DDX60L: variants seen among roughly 807,000 people sequenced by gnomAD.
DDX60L encodes DExD/H-box 60 like, also known as probable ATP-dependent RNA helicase DDX60-like.
In DDX60L, 191 loss-of-function variants were observed where a neutral mutation model predicts 211.6. That is an observed-to-expected ratio of 0.90 (90% confidence interval 0.80 to 1.02). The LOEUF is 1.02. Ranked by LOEUF, DDX60L falls within the 50% of genes least tolerant of loss-of-function variation. The pLI is 0.00. For missense variants in DDX60L, 2,007 were observed against 1,984.1 expected, an observed-to-expected ratio of 1.01 and a Z score of -0.22; for synonymous variants, 706 against 694.1, an observed-to-expected ratio of 1.02 and a Z score of -0.27.
chr4:168,464,268 G>T (rs1045735750), intron 4 of DDX60L, among the ~76,000 whole-genome samples: 2 of 151,980 alleles, frequency 1.3e-5, no homozygotes, highest in African/African-American at 4.8e-5. Flanking sequence ...TGTATTGGAC[G>T]TCAAAACAAG....
chr4:168,432,461 C>T lies in DDX60L; in HGVS notation c.1510G>A (p.Val504Ile). The change falls in exon 12 of 38, where the codon GTT (valine) becomes ATT (isoleucine). Residue 504 changes from valine (V) to isoleucine (I), a missense_variant. Coordinates refer to ENST00000682922, the MANE Select transcript of DDX60L (RefSeq NM_001012967.3). ...TCGTGGTTACAGAGCTCACCATCAA[C>T]ATGACATTTGATCCTGTCATAGTCG... ...SDDYDRIKCH[V>I]DEQSRDPHVL... 1 of 1,559,598 alleles carries T rather than the reference C, an allele frequency of 6.4e-7. No homozygotes were observed. Among genetic ancestry groups the T allele is most frequent in the Non-Finnish European group, 8.7e-7 (1 of 1,148,822 alleles).
At chr4:168,477,479 T>A (rs897135337) in intron 1 of DDX60L, among the ~76,000 whole-genome samples, 1 of 152,112 alleles carries the variant, frequency 6.6e-6, no homozygotes, top group Admixed American at 6.5e-5. Context: ...GTTCTTTTAA[T>A]CTAAAAATCC....
intron 29 of DDX60L, chr4:168,390,182 T>A (rs1994530): frequency 2.0e-6 from 2 of 1,001,510 alleles, no homozygotes; most frequent in Non-Finnish European, 2.4e-6. Flanking sequence ...TCCACTCTCA[T>A]TGTGGTCCAT....
chr4:168,419,529 TTTTCA>T, intron 18 of DDX60L, 132 bp from the exon 19 acceptor site: 1 of 526,380 alleles, frequency 1.9e-6, no homozygotes, highest in South Asian at 3.4e-5. Context: ...TCTTTGACGT[TTTTCA>T]TTTAAGTCTT....
At chr4:168,455,343 A>G (rs1429790543) in intron 7 of DDX60L, among the ~76,000 whole-genome samples, 1 of 151,028 alleles carries the variant, frequency 6.6e-6, no homozygotes, top group East Asian at 2.0e-4. Context: ...CGGAAAATCC[A>G]TGTTCCTCAA....
intron 10 of DDX60L, among the ~76,000 whole-genome samples, chr4:168,434,295 C>T (rs1752750562): frequency 6.6e-6 from 1 of 152,168 alleles, no homozygotes; most frequent in Non-Finnish European, 1.5e-5. Context: ...TCCTCTGCTT[C>T]TGAAACTCCA....
intron 4 of DDX60L, among the ~76,000 whole-genome samples, chr4:168,466,218 A>T (rs575591430): frequency 1.1e-4 from 16 of 152,050 alleles, no homozygotes; most frequent in East Asian, 3.9e-4. Context: ...CAGTGAAATT[A>T]AAAAAAAGAC....
In DDX60L at chr4:168,371,629, T is replaced by A. The variant is rs762874083; in HGVS notation, c.4911A>T (p.Arg1637Ser). Reference sequence around the variant, plus strand: ...AAACTTACCCATTTTTTTGGTCTAATCTTGTCAAGCAGTTGTGTTTATAGA... The same window carrying A: ...AAACTTACCCATTTTTTTGGTCTAAACTTGTCAAGCAGTTGTGTTTATAGA... The part of the protein sequence containing the change: ...LNFYKHNCLT[R>S]LDQKNGMRMG... Residue 1637 changes from arginine (R) to serine (S), a missense_variant, in exon 36 of 38, where the codon AGA becomes AGT. Arg to Ser is a moderately radical substitution (Grantham distance 110). Coordinates refer to ENST00000682922, the MANE Select transcript of DDX60L (RefSeq NM_001012967.3). The A allele has an allele frequency of 6.4e-7, 1 of 1,561,228 alleles. No individual in the cohort carries two copies. Among genetic ancestry groups the A allele is most frequent in the South Asian group, 1.2e-5 (1 of 84,904 alleles).
chr4:168,454,825 T>C (rs1579768417), intron 7 of DDX60L, among the ~76,000 whole-genome samples: 1 of 137,370 alleles, frequency 7.3e-6, no homozygotes, highest in Non-Finnish European at 1.5e-5. Flanking sequence ...TGGAGAAGAG[T>C]GAGGCAGAAG....
At chr4:168,428,436 A>G (rs967355363) in intron 13 of DDX60L, among the ~76,000 whole-genome samples, 6 of 152,198 alleles carry the variant, frequency 3.9e-5, no homozygotes, top group Non-Finnish European at 5.9e-5. Flanking sequence ...AAGGAAAAGG[A>G]AGACTCTAGA....
Position 168,358,256 on chromosome 4 carries a change from C to T in DDX60L, c.5012G>A (p.Cys1671Tyr), listed in dbSNP as rs752357025. 19 of 1,591,936 alleles carry T rather than the reference C, an allele frequency of 1.2e-5. No individual in the cohort carries two copies. In the South Asian group the frequency reaches 1.8e-4, roughly 15 times the overall value. The change falls in exon 38 of 38, where the codon TGT (cysteine) becomes TAT (tyrosine). Residue 1671 changes from cysteine (C) to tyrosine (Y), a missense_variant. Physicochemically the swap from Cys to Tyr is radical, Grantham distance 194. Transcript: ENST00000682922. The stretch of plus-strand genomic sequence containing the variant: ...GACTACATTGTCACGCTTATTTTCA[C>T]ATAGTTCACTCAAGGAGTCACTGTA... ...QAISDSLSEL[C>Y]ENKRDNVVLA...
chr4:168,371,961 G>A (rs1214792189), intron 35 of DDX60L, among the ~76,000 whole-genome samples, 198 bp from the exon 36 acceptor site: 1 of 152,140 alleles, frequency 6.6e-6, no homozygotes, highest in East Asian at 1.9e-4. Flanking sequence ...GCGTGTTACA[G>A]ACACTGGCCA....
At chr4:168,375,185 A>T (rs1741732981) in intron 34 of DDX60L, among the ~76,000 whole-genome samples, 192 bp downstream of exon 34, 1 of 151,876 alleles carries the variant, frequency 6.6e-6, no homozygotes, top group South Asian at 2.1e-4. Flanking sequence ...TTTTTTTTTA[A>T]TTGGAAAACA....
chr4:168,468,674 G>A (rs947314387), intron 4 of DDX60L: 1 of 151,622 alleles, frequency 6.6e-6, no homozygotes, highest in African/African-American at 2.4e-5. Context: ...AAATAAAATT[G>A]GAAAATAAGA....
chr4:168,380,801 A>T (rs1171236971), intron 30 of DDX60L: 1 of 152,160 alleles, frequency 6.6e-6, no homozygotes, highest in East Asian at 1.9e-4. Context: ...GATCCTAAAG[A>T]CTTGTTAAAC....
chr4:168,401,846 T>C (rs1746870980), intron 25 of DDX60L, among the ~76,000 whole-genome samples: 1 of 152,192 alleles, frequency 6.6e-6, no homozygotes, highest in African/African-American at 2.4e-5. Context: ...ACTAGGAAAG[T>C]CACAGTCTAC....
In DDX60L at chr4:168,358,640, C is replaced by A. The variant is rs1474499890; in HGVS notation, c.4992-364G>T. Among the ~76,000 whole-genome samples, 6 of 148,678 alleles carry A rather than the reference C, an allele frequency of 4.0e-5. No homozygotes were observed. The East Asian group carries it at 1.0e-3, about 25-fold the overall frequency. On this transcript the variant is annotated intron_variant, in intron 37 of 37. Transcript: ENST00000682922. ...CTCTGCCTCCTGGGTTCAAGCAATT[C>A]TCTGCCTCAGCCTCCTGAGTAGCTG...
At chr4:168,377,066 G>A (rs1742085326) in intron 33 of DDX60L, among the ~76,000 whole-genome samples, 3 of 152,092 alleles carry the variant, frequency 2.0e-5, no homozygotes, top group Admixed American at 1.3e-4. Context: ...CAAGGCGGGC[G>A]CATCACTTGA....
intron 7 of DDX60L, among the ~76,000 whole-genome samples, chr4:168,453,947 G>T (rs1038930784): frequency 6.6e-6 from 1 of 152,108 alleles, no homozygotes; most frequent in Non-Finnish European, 1.5e-5. Context: ...TAGGCAAATA[G>T]AGTAAAGGAG....
Sources: allele counts gnomAD v4.1 joint callset (sites outside exome capture counted in the v4.1 genomes callset), GRCh38; gene constraint gnomAD v4.1.1; transcripts MANE v1.5; gene names NCBI Gene and HGNC (gene_info 2026-07-23, HGNC 2026-07-21).